The following ADGRG6 variants were observed in gnomAD, a reference collection of about 807,000 sequenced individuals.
The protein encoded by ADGRG6 is G-protein coupled receptor 126.
A neutral mutation model predicts 142.4 loss-of-function variants in ADGRG6; 84 were observed. That is an observed-to-expected ratio of 0.59 (90% CI 0.49 to 0.71). The LOEUF is 0.71. Ranked by LOEUF, ADGRG6 falls within the 30% of genes least tolerant of loss-of-function variation. The pLI is 0.00. For synonymous variants in ADGRG6, 521 were observed against 520.5 expected, an observed-to-expected ratio of 1.00 and a Z score of -0.01; for missense variants, 1,367 against 1,466.6, an observed-to-expected ratio of 0.93 and a Z score of 1.11.
intron 18 of ADGRG6, among the ~76,000 whole-genome samples, chr6:142,414,062 A>G (rs950715987): frequency 1.3e-5 from 2 of 152,142 alleles, no homozygotes; most frequent in Admixed American, 1.3e-4. Flanking sequence ...AGTTTACGCT[A>G]GATATTCAAT....
intron 2 of ADGRG6, among the ~76,000 whole-genome samples, chr6:142,314,421 G>C (rs73578314): frequency 1.6e-4 from 24 of 152,204 alleles, no homozygotes; most frequent in Non-Finnish European, 2.9e-4. Context: ...GTCATAATGT[G>C]GAGAGGGTTG....
rs148358101 is a variant in ADGRG6 at position 142,443,281 on chromosome 6, C to A, written c.3575-56C>A. ...AAAACGGAGTATACAATATGGTGGC[C>A]TGTAGGCATGCCACCAGCTCATCTT... On this transcript the variant is annotated intron_variant, in intron 24 of 24. Transcript: ENST00000367609. 5.0e-3 allele frequency: 5,823 copies of A among 1,162,166 alleles called. 33 individuals carry two copies. Among genetic ancestry groups the A allele is most frequent in the Non-Finnish European group, 6.0e-3 (4,722 of 789,746 alleles). 72.0% of individuals were successfully genotyped at this position (1,162,166 alleles called of 1,614,324 possible).
chr6:142,414,202 G>A (rs1402858611), intron 18 of ADGRG6, among the ~76,000 whole-genome samples: 2 of 151,980 alleles, frequency 1.3e-5, no homozygotes, highest in Non-Finnish European at 1.5e-5. Context: ...ATTTAAGGCA[G>A]AAAAGAAAGA....
At chr6:142,344,011 G>T (rs901054145) in intron 2 of ADGRG6, among the ~76,000 whole-genome samples, 1 of 151,906 alleles carries the variant, frequency 6.6e-6, no homozygotes, top group Non-Finnish European at 1.5e-5. Context: ...ATATCTTTCT[G>T]TTGAACAACA....
chr6:142,378,077 A>C (rs1023465558), intron 4 of ADGRG6, among the ~76,000 whole-genome samples: 1 of 152,216 alleles, frequency 6.6e-6, no homozygotes, highest in African/African-American at 2.4e-5. Context: ...TTTCCCATAA[A>C]AGAATGCTAC....
At chr6:142,343,413 A>G (rs907365563) in intron 2 of ADGRG6, among the ~76,000 whole-genome samples, 4 of 151,770 alleles carry the variant, frequency 2.6e-5, no homozygotes, top group Non-Finnish European at 5.9e-5. Context: ...ATGAGTAGGG[A>G]TATCAATATC....
At chr6:142,327,355 A>G (rs1004766198) in intron 2 of ADGRG6, among the ~76,000 whole-genome samples, 1 of 152,100 alleles carries the variant, frequency 6.6e-6, no homozygotes, top group Non-Finnish European at 1.5e-5. Context: ...TTCTCATTCA[A>G]ACTTAACACA....
rs371718568 is a variant in ADGRG6, at chr6:142,405,619, A to G, written c.2128-69A>G. 7.2e-6 allele frequency: 9 copies of G among 1,250,676 alleles called. No homozygotes were observed. In the African/African-American group the frequency reaches 1.3e-4, roughly 18 times the overall value. 77.5% of individuals were successfully genotyped at this position (1,250,676 alleles called of 1,614,324 possible). ...TGCAATTGTTCACTCGCCTAACTAT[A>G]CATGTGGAATAAAGTTATTACCATT... On this transcript the variant is annotated intron_variant, in intron 14 of 24. Coordinates refer to ENST00000367609, the MANE Select transcript of ADGRG6 (RefSeq NM_198569.3).
intron 5 of ADGRG6, among the ~76,000 whole-genome samples, chr6:142,382,889 G>A (rs1245819986): frequency 1.3e-5 from 2 of 152,106 alleles, no homozygotes; most frequent in African/African-American, 2.4e-5. Flanking sequence ...TGAGAGTAGG[G>A]CAGGCAGGAG....
At chr6:142,412,077 C>G (rs1481291372) in intron 18 of ADGRG6, among the ~76,000 whole-genome samples, 2 of 152,118 alleles carry the variant, frequency 1.3e-5, no homozygotes, top group African/African-American at 4.8e-5. Flanking sequence ...CAGTTTTAAA[C>G]AAAATTAGAT....
At chr6:142,315,909 C>A (rs997895366) in intron 2 of ADGRG6, among the ~76,000 whole-genome samples, 4 of 151,882 alleles carry the variant, frequency 2.6e-5, no homozygotes, top group African/African-American at 9.7e-5. Context: ...GTAGCTGTCA[C>A]CAGTTCAGGT....
intron 2 of ADGRG6, among the ~76,000 whole-genome samples, chr6:142,327,098 G>A (rs1891308): frequency 0.43 from 64,614 of 151,780 alleles, 16,687 homozygotes; most frequent in African/African-American, 0.74. Context: ...TTGTTTGGGT[G>A]TGTATGCTTT....
intron 2 of ADGRG6, among the ~76,000 whole-genome samples, chr6:142,318,492 TAATG>T (rs1778352262): frequency 7.0e-6 from 1 of 142,500 alleles, no homozygotes; most frequent in African/African-American, 2.6e-5. Context: ...TCATTGCCTT[TAATG>T]TTAAGGAATT....
chr6:142,310,597 C>A (rs951885348), intron 2 of ADGRG6, among the ~76,000 whole-genome samples: 3 of 151,740 alleles, frequency 2.0e-5, no homozygotes, highest in Admixed American at 2.0e-4. Context: ...ATTGCTTATT[C>A]ACGCATCAAG....
chr6:142,351,895 A>C (rs1240186867), intron 2 of ADGRG6, among the ~76,000 whole-genome samples: 2 of 152,334 alleles, frequency 1.3e-5, no homozygotes, highest in East Asian at 1.9e-4. Context: ...GAGAAATGCA[A>C]ATCAAAACTA....
At chr6:142,315,243 T>C (rs1777983135) in intron 2 of ADGRG6, among the ~76,000 whole-genome samples, 1 of 152,162 alleles carries the variant, frequency 6.6e-6, no homozygotes, top group East Asian at 1.9e-4. Context: ...TTTAATTCTT[T>C]AAGGAGTTTT....
At chr6:142,307,823 A>G (rs1777577587) in intron 1 of ADGRG6, among the ~76,000 whole-genome samples, 1 of 152,058 alleles carries the variant, frequency 6.6e-6, no homozygotes, top group Non-Finnish European at 1.5e-5. Context: ...TTCAAATCTT[A>G]ACCTTTTCCT....
chr6:142,411,343 C>T lies in ADGRG6; in HGVS notation c.2473C>T (p.His825Tyr). 1.9e-6 allele frequency: 3 copies of T among 1,609,252 alleles called. No individual in the cohort carries two copies. The African/African-American group carries it at 4.0e-5, about 21-fold the overall frequency. The change falls in exon 18 of 25, where the codon CAC becomes TAC. Residue 825 changes from histidine to tyrosine, a missense_variant. Transcript: ENST00000367609. ...GGWNTSGCVA[H>Y]RDSDASETVC... ...ATGGAACACGTCAGGATGTGTTGCA[C>T]ACAGAGATTCAGATGCAAGTGAGAC...
intron 22 of ADGRG6, among the ~76,000 whole-genome samples, chr6:142,427,688 A>G (rs1285423980): frequency 6.6e-6 from 1 of 152,204 alleles, no homozygotes; most frequent in Non-Finnish European, 1.5e-5. Context: ...TGGGCCGTTT[A>G]TAAAAGAAAG....
Sources: gnomAD v4.1 joint callset for allele counts (sites outside exome capture counted in the v4.1 genomes callset) on GRCh38, gnomAD v4.1.1 for gene constraint, MANE v1.5 for transcripts, NCBI Gene and HGNC (gene_info 2026-07-23, HGNC 2026-07-21) for gene names.